CNOT6: variants seen among roughly 807,000 people sequenced by gnomAD.
The protein encoded by CNOT6 is CCR4-NOT transcription complex subunit 6.
CNOT6 carries 12 observed loss-of-function variants against 61.2 expected under a neutral mutation model. The observed-to-expected ratio is 0.20, with a 90% CI of 0.13 to 0.32. The LOEUF (loss-of-function observed/expected upper bound fraction) is 0.32. Among genes scored for constraint, CNOT6 ranks in the 10% least tolerant of loss-of-function variants. The pLI, the probability that CNOT6 is intolerant of heterozygous loss-of-function variation, is 1.00. For synonymous variants in CNOT6, 225 were observed against 240.6 expected (o/e 0.94, Z 0.60); for missense variants, 405 against 663.9 (o/e 0.61, Z 4.28).
At chr5:180,561,597 C>G (rs1760191452) in intron 4 of CNOT6, among the ~76,000 whole-genome samples, 1 of 151,906 alleles carries the variant, frequency 6.6e-6, no homozygotes, top group Admixed American at 6.6e-5. Flanking sequence ...TTGTTTAAAC[C>G]CTTTAGTTTG....
intron 2 of CNOT6, among the ~76,000 whole-genome samples, chr5:180,529,734 A>G (rs1291869793): frequency 6.6e-6 from 1 of 152,230 alleles, no homozygotes; most frequent in African/African-American, 2.4e-5. Context: ...TCTCTGATAA[A>G]GTAGGATTGA....
intron 2 of CNOT6, among the ~76,000 whole-genome samples, chr5:180,549,506 C>T (rs548015387): frequency 7.2e-5 from 11 of 152,048 alleles, no homozygotes; most frequent in African/African-American, 2.4e-4. Flanking sequence ...AAAAATTAGC[C>T]GGGCATGGTG....
chr5:180,519,705 C>T (rs1757796433), intron 1 of CNOT6, among the ~76,000 whole-genome samples: 1 of 150,660 alleles, frequency 6.6e-6, no homozygotes, highest in African/African-American at 2.4e-5. Flanking sequence ...AATGGAATCT[C>T]TTGGGTCTCT....
At chr5:180,560,293 C>T (rs188810779) in intron 4 of CNOT6, among the ~76,000 whole-genome samples, 4 of 152,212 alleles carry the variant, frequency 2.6e-5, no homozygotes, top group Non-Finnish European at 5.9e-5. Context: ...AAGGAAATCT[C>T]GTATTTGCCC....
intron 4 of CNOT6, among the ~76,000 whole-genome samples, chr5:180,555,839 AATCAGTTCAT>A (rs1217956182): frequency 6.6e-6 from 1 of 152,150 alleles, no homozygotes; most frequent in Non-Finnish European, 1.5e-5. Context: ...CTGCCTCATG[AATCAGTTCAT>A]ACCATTTTCT....
chr5:180,576,504 A>G lies in CNOT6; in HGVS notation c.*2304A>G, dbSNP rs1177546584. ...AATATATTTGAATTTGGGGCAGCAT[A>G]TTAAGATGTAATGGCCTGTTATGTC... On this transcript the variant is annotated 3_prime_UTR_variant, in exon 12 of 12. Transcript: ENST00000261951. 2 of 152,660 alleles carry G rather than the reference A, an allele frequency of 1.3e-5. No individual in the cohort carries two copies. Among genetic ancestry groups the G allele is most frequent in the East Asian group, 1.9e-4 (1 of 5,200 alleles). The allele number at this position is 152,660 out of a possible 1,614,324, so 9.5% of individuals were successfully genotyped here.
At chr5:180,509,838 T>C (rs1757300354) in intron 1 of CNOT6, among the ~76,000 whole-genome samples, 1 of 151,382 alleles carries the variant, frequency 6.6e-6, no homozygotes, top group African/African-American at 2.4e-5. Flanking sequence ...GTTTTTTTTT[T>C]TTTTTTTTCA....
At chr5:180,548,434 A>G (rs1000819657) in intron 2 of CNOT6, among the ~76,000 whole-genome samples, 2 of 152,192 alleles carry the variant, frequency 1.3e-5, no homozygotes, top group African/African-American at 2.4e-5. Flanking sequence ...GGGCCCCATC[A>G]GATCTCCAGA....
At chr5:180,541,441 ATTTTTT>A (rs1163850404) in intron 2 of CNOT6, among the ~76,000 whole-genome samples, 3 of 106,578 alleles carry the variant, frequency 2.8e-5, no homozygotes, top group African/African-American at 8.1e-5. Flanking sequence ...TGGCCAAGAA[ATTTTTT>A]TTTTTTTTTT....
At chr5:180,547,216 T>TTATAG (rs1422994378) in intron 2 of CNOT6, among the ~76,000 whole-genome samples, 1 of 107,132 alleles carries the variant, frequency 9.3e-6, no homozygotes, top group Non-Finnish European at 2.3e-5. Context: ...TTTTTTTTCC[T>TTATAG]TACAGTAAAG....
intron 2 of CNOT6, among the ~76,000 whole-genome samples, chr5:180,541,353 G>A (rs1759025585): frequency 6.6e-6 from 1 of 150,610 alleles, no homozygotes; most frequent in Admixed American, 6.6e-5. Context: ...TGGCCAGGCT[G>A]GCCTCGAACT....
intron 4 of CNOT6, among the ~76,000 whole-genome samples, chr5:180,555,045 C>T (rs1177472347): frequency 1.3e-5 from 2 of 151,700 alleles, no homozygotes; most frequent in Non-Finnish European, 2.9e-5. Context: ...CTCTTGTCGC[C>T]CAGGCTAGAG....
intron 4 of CNOT6, among the ~76,000 whole-genome samples, chr5:180,559,458 A>G (rs1760062866): frequency 6.6e-6 from 1 of 152,140 alleles, no homozygotes; most frequent in Non-Finnish European, 1.5e-5. Flanking sequence ...TGCATTATAT[A>G]TCTCTTGCCA....
At chr5:180,541,440 AATTTTTTT>A (rs1402608441) in intron 2 of CNOT6, among the ~76,000 whole-genome samples, 20 of 102,930 alleles carry the variant, frequency 1.9e-4, no homozygotes, top group Admixed American at 3.3e-4. Flanking sequence ...CTGGCCAAGA[AATTTTTTT>A]TTTTTTTTTT....
chr5:180,557,106 A>G (rs181622357), intron 4 of CNOT6, among the ~76,000 whole-genome samples: 8 of 152,338 alleles, frequency 5.3e-5, no homozygotes, highest in Admixed American at 5.2e-4. Context: ...GTAGTAGTCT[A>G]TGATATAAAT....
Position 180,567,240 on chromosome 5 carries a change from A to G in CNOT6, c.870A>G (p.Glu290=). The G allele has an allele frequency of 2.5e-6, 4 of 1,599,114 alleles. No individual in the cohort carries two copies. The highest frequency in any genetic ancestry group is 3.4e-6 in the Non-Finnish European group (4 of 1,176,270). ...VDGCAIFFKT[E]KFTLVQKHTV... is the part of the protein sequence containing the mutation. ...GCTGTGCAATATTCTTCAAGACAGAAAAGTAAGTCATCTTATTTTTTAAAA... is the reference window on the plus strand; with the variant it reads ...GCTGTGCAATATTCTTCAAGACAGAGAAGTAAGTCATCTTATTTTTTAAAA... Residue 290 remains glutamate, a splice_region_variant and synonymous_variant, in exon 8 of 12, where the codon GAA becomes GAG. Transcript: ENST00000261951.
chr5:180,536,374 C>G (rs951374928), intron 2 of CNOT6, among the ~76,000 whole-genome samples: 1 of 151,838 alleles, frequency 6.6e-6, no homozygotes, highest in African/African-American at 2.4e-5. Context: ...TGTGTAGTTG[C>G]CAATATTTTC....
intron 4 of CNOT6, among the ~76,000 whole-genome samples, chr5:180,563,943 C>T (rs953920015): frequency 2.0e-5 from 3 of 152,072 alleles, no homozygotes; most frequent in Non-Finnish European, 1.5e-5. Flanking sequence ...ATTTTTTCCC[C>T]CTCCTTAGTG....
chr5:180,566,002 C>T (rs780009203), intron 7 of CNOT6, 25 bp downstream of exon 7: 5 of 1,583,788 alleles, frequency 3.2e-6, no homozygotes, highest in African/African-American at 1.4e-5. Context: ...AGACAGTCAA[C>T]CTAGCATTGA....
Sources: gnomAD v4.1 joint callset for allele counts (sites outside exome capture counted in the v4.1 genomes callset) on GRCh38, gnomAD v4.1.1 for gene constraint, MANE v1.5 for transcripts, NCBI Gene and HGNC (gene_info 2026-07-23, HGNC 2026-07-21) for gene names.